PAAF1: variants seen among roughly 807,000 people sequenced by gnomAD.
PAAF1 encodes proteasomal ATPase-associated factor 1.
A neutral mutation model predicts 52.8 loss-of-function variants in PAAF1; 46 were observed. The observed-to-expected ratio is 0.87, with a 90% CI of 0.69 to 1.11. The LOEUF is 1.11. PAAF1 is among the 50% of genes most tolerant of loss of function. PAAF1 has a pLI of 0.00. For missense variants in PAAF1, 424 were observed against 477.4 expected, an observed-to-expected ratio of 0.89 and a Z score of 1.04; for synonymous variants, 178 against 172.8, an observed-to-expected ratio of 1.03 and a Z score of -0.24.
intron 7 of PAAF1, among the ~76,000 whole-genome samples, chr11:73,911,865 C>T (rs1212760055): frequency 6.6e-6 from 1 of 151,906 alleles, no homozygotes; most frequent in African/African-American, 2.4e-5. Flanking sequence ...AACTTCTGGC[C>T]TCAAGTGATC....
chr11:73,885,746 T>G (rs71464090), intron 2 of PAAF1, among the ~76,000 whole-genome samples: 23,635 of 149,958 alleles, frequency 0.16, 1,975 homozygotes, highest in South Asian at 0.32. Context: ...GGAGGCTGAG[T>G]CATGAGAACT....
At chr11:73,918,893 A>T in intron 9 of PAAF1, 57 bp from the exon 10 acceptor site, 1 of 1,295,296 alleles carries the variant, frequency 7.7e-7, no homozygotes, top group Non-Finnish European at 1.1e-6. Flanking sequence ...TGTTGAATAT[A>T]GTCAAGTATT....
rs932179063 is a variant in PAAF1, at chr11:73,877,084, G to C, written c.47+16G>C. 33 of 1,524,258 alleles carry C rather than the reference G, an allele frequency of 2.2e-5. 1 individual carries two copies. The Middle Eastern group carries it at 5.1e-4, about 24-fold the overall frequency. The allele number at this position is 1,524,258 out of a possible 1,614,324, so 94.4% of individuals were successfully genotyped here. On this transcript the variant is annotated intron_variant, in intron 1 of 11. Transcript: ENST00000310571. ...AAGCCCTCAGGTGAATCCAGGCCCA[G>C]AACAGAGTCAGAGGAGGCGGGTAGT...
chr11:73,927,066 G>C (rs935920284), intron 11 of PAAF1, among the ~76,000 whole-genome samples: 1 of 152,172 alleles, frequency 6.6e-6, no homozygotes, highest in Non-Finnish European at 1.5e-5. Flanking sequence ...TAGTTTCTCT[G>C]TTATATAGTC....
chr11:73,899,408 C>CTTTTTTTTTTTTT (rs71065053), intron 5 of PAAF1, among the ~76,000 whole-genome samples, 164 bp downstream of exon 5: 3 of 101,198 alleles, frequency 3.0e-5, no homozygotes, highest in East Asian at 2.7e-4. Context: ...TTCTTTTTCT[C>CTTTTTTTTTTTTT]TTTTTTTTTT....
chr11:73,880,327 T>C (rs1361328576), intron 2 of PAAF1: 2 of 151,938 alleles, frequency 1.3e-5, no homozygotes, highest in African/African-American at 2.4e-5. Context: ...CATATACATA[T>C]GTATACTTAA....
At chr11:73,926,674 A>G (rs1950369858) in intron 11 of PAAF1, among the ~76,000 whole-genome samples, 3 of 152,134 alleles carry the variant, frequency 2.0e-5, no homozygotes, top group African/African-American at 7.2e-5. Context: ...GCGTCACTGC[A>G]CTCCAGCCTG....
At chr11:73,893,990 G>C (rs985414381) in intron 4 of PAAF1, among the ~76,000 whole-genome samples, 4 of 152,104 alleles carry the variant, frequency 2.6e-5, no homozygotes, top group African/African-American at 9.7e-5. Context: ...TTTTGTAGCG[G>C]TGGAGTCCTG....
intron 6 of PAAF1, among the ~76,000 whole-genome samples, chr11:73,906,695 A>G (rs975979838): frequency 6.6e-6 from 1 of 152,218 alleles, no homozygotes. Context: ...TCTTAAACTC[A>G]TCTTTTTCTA....
chr11:73,893,766 G>GAAAAA (rs1220153088), intron 4 of PAAF1, among the ~76,000 whole-genome samples: 1 of 125,174 alleles, frequency 8.0e-6, no homozygotes, highest in African/African-American at 3.0e-5. Context: ...AAAAAAGAAA[G>GAAAAA]AAAAAACTAA....
intron 10 of PAAF1, 56 bp downstream of exon 10, chr11:73,919,088 A>G (rs967253402): frequency 1.1e-5 from 17 of 1,489,996 alleles, no homozygotes; most frequent in Non-Finnish European, 1.5e-5. Context: ...TTAATTAAAC[A>G]TAGTTTTAAG....
At chr11:73,878,701 C>A in intron 1 of PAAF1, 78 bp from the exon 2 acceptor site, 1 of 1,337,622 alleles carries the variant, frequency 7.5e-7, no homozygotes, top group Non-Finnish European at 1.1e-6. Context: ...GGTTACATGA[C>A]CTTCTTTCTT....
intron 4 of PAAF1, among the ~76,000 whole-genome samples, chr11:73,891,848 G>T (rs1376046215): frequency 1.3e-5 from 2 of 152,050 alleles, no homozygotes; most frequent in Non-Finnish European, 2.9e-5. Flanking sequence ...TTTTCCTATA[G>T]GACAGGGATA....
At chr11:73,906,281 T>G (rs1296820039) in intron 6 of PAAF1, among the ~76,000 whole-genome samples, 1 of 152,118 alleles carries the variant, frequency 6.6e-6, no homozygotes, top group Non-Finnish European at 1.5e-5. Flanking sequence ...TTTTTTGAGA[T>G]TCCCTCTGTT....
intron 10 of PAAF1, among the ~76,000 whole-genome samples, chr11:73,921,067 A>G (rs763511268): frequency 1.1e-4 from 16 of 152,108 alleles, no homozygotes; most frequent in Non-Finnish European, 1.9e-4. Flanking sequence ...TGGGAGGTCA[A>G]GGCGGGTGGA....
intron 4 of PAAF1, 87 bp downstream of exon 4, chr11:73,891,288 A>C: frequency 2.8e-6 from 2 of 726,736 alleles, no homozygotes; most frequent in Non-Finnish European, 2.3e-6. Flanking sequence ...AAACATATTC[A>C]TAATTAATAT....
At chr11:73,901,870 CTT>C (rs35218096) in intron 6 of PAAF1, among the ~76,000 whole-genome samples, 8,027 of 128,006 alleles carry the variant, frequency 0.063, 218 homozygotes, top group Middle Eastern at 0.082. Context: ...TGCGCCTTGC[CTT>C]TTTTTTTTTT....
intron 2 of PAAF1, among the ~76,000 whole-genome samples, chr11:73,881,004 A>G (rs1034854399): frequency 6.6e-6 from 1 of 152,086 alleles, no homozygotes; most frequent in South Asian, 2.1e-4. Flanking sequence ...CCATCTCTAA[A>G]TAAATAAATA....
intron 2 of PAAF1, among the ~76,000 whole-genome samples, chr11:73,881,327 C>G (rs1948900854): frequency 6.6e-6 from 1 of 152,186 alleles, no homozygotes; most frequent in African/African-American, 2.4e-5. Context: ...AGCTCTGTCA[C>G]CTAGGCTGGA....
Sources: gnomAD v4.1 joint callset for allele counts (sites outside exome capture counted in the v4.1 genomes callset) on GRCh38, gnomAD v4.1.1 for gene constraint, MANE v1.5 for transcripts, NCBI Gene and HGNC (gene_info 2026-07-23, HGNC 2026-07-21) for gene names.